The following ADCY3 variants were observed in gnomAD, a reference collection of about 807,000 sequenced individuals.
ADCY3 encodes adenylate cyclase type 3.
A neutral mutation model predicts 119.4 loss-of-function variants in ADCY3; 70 were observed. The ratio of observed to expected loss-of-function variants is 0.59; its 90% CI spans 0.48 to 0.72. The LOEUF is 0.72. Ranked by LOEUF, ADCY3 falls within the 30% of genes least tolerant of loss-of-function variation. The probability of loss-of-function intolerance (pLI) is 0.00; values close to 1 mark genes in which losing one functional copy is unlikely to be tolerated. For missense variants in ADCY3, 1,238 were observed against 1,541.6 expected (o/e 0.80, Z 3.30); for synonymous variants, 672 against 621.4 (o/e 1.08, Z -1.21).
At chr2:24,870,796 A>G (rs940047521) in intron 3 of ADCY3, among the ~76,000 whole-genome samples, 4 of 152,190 alleles carry the variant, frequency 2.6e-5, no homozygotes, top group Admixed American at 1.3e-4. Context: ...GCCTACCTCT[A>G]AAAAAGCTCT....
In ADCY3 at chr2:24,878,807, A is replaced by T. The variant is rs73923460; in HGVS notation, c.676-6088T>A. ...TGCTGCAGTGGCTCCTTAAGTCCCT[A>T]TGAAATGTCCCTACCCCTCAGAGGC... On this transcript the variant is annotated intron_variant, in intron 2 of 21. Coordinates refer to ENST00000679454, the MANE Select transcript of ADCY3 (RefSeq NM_004036.5). The surrounding 1 kb of genome is among the most constrained non-coding windows in gnomAD (Gnocchi z 4.0). Among the ~76,000 whole-genome samples the T allele has an allele frequency of 1.1e-4, 16 of 152,120 alleles. No homozygotes were observed. Among genetic ancestry groups the T allele is most frequent in the African/African-American group, 3.9e-4 (16 of 41,426 alleles).
chr2:24,841,415 C>T lies in ADCY3; in HGVS notation c.1069-29G>A, dbSNP rs1394223930. 1.2e-6 allele frequency: 2 copies of T among 1,608,462 alleles called. No homozygotes were observed. The highest frequency in any genetic ancestry group is 1.3e-5 in the African/African-American group (1 of 74,850). Reference sequence around the variant, plus strand: ...AAAGGGGAGGGCCTGGCCTGTGCTCCAGCCCCTCCTCAGTGAGGGAGGAGT... The same window carrying T: ...AAAGGGGAGGGCCTGGCCTGTGCTCTAGCCCCTCCTCAGTGAGGGAGGAGT... On this transcript the variant is annotated intron_variant, in intron 5 of 21. Coordinates refer to ENST00000679454, the MANE Select transcript of ADCY3 (RefSeq NM_004036.5). The surrounding 1 kb of genome is among the most constrained non-coding windows in gnomAD (Gnocchi z 5.8).
At chr2:24,876,114 T>C (rs554507272) in intron 2 of ADCY3, among the ~76,000 whole-genome samples, 67 of 152,184 alleles carry the variant, frequency 4.4e-4, no homozygotes, top group Non-Finnish European at 8.7e-4. Flanking sequence ...CACCTCAGCC[T>C]CTTGAGTAGC....
rs1668312327 is a variant in ADCY3, at chr2:24,824,512, A to G, written c.2602T>C (p.Phe868Leu). 6.2e-7 allele frequency: 1 copy of G among 1,614,254 alleles called. No homozygotes were observed. Among genetic ancestry groups the G allele is most frequent in the Non-Finnish European group, 8.5e-7 (1 of 1,180,034 alleles). The change falls in exon 17 of 22, where the codon TTC becomes CTC. Residue 868 changes from phenylalanine (F) to leucine (L), a missense_variant. Transcript: ENST00000679454. ...TCGTGGACCTCAATCTTCCACAAGA[A>G]AAGTGTCCGTGCCAGTTTTTCTACC... Reference protein sequence around the residue: ...RHVEKLARTLFLWKIEVHDQK... With the variant: ...RHVEKLARTLLLWKIEVHDQK...
At chr2:24,833,846 C>T (rs929845260) in intron 11 of ADCY3, among the ~76,000 whole-genome samples, 4 of 152,236 alleles carry the variant, frequency 2.6e-5, no homozygotes, top group African/African-American at 7.2e-5. Flanking sequence ...GTCACACACC[C>T]GCAACCTTAG....
chr2:24,824,771 C>T (rs1373327541), intron 16 of ADCY3, among the ~76,000 whole-genome samples: 1 of 152,158 alleles, frequency 6.6e-6, no homozygotes, highest in African/African-American at 2.4e-5. Flanking sequence ...CACCTGTAAT[C>T]CCAGCTACTC....
At chr2:24,856,420 T>C (rs2148693508) in intron 3 of ADCY3, among the ~76,000 whole-genome samples, 1 of 152,324 alleles carries the variant, frequency 6.6e-6, no homozygotes, top group African/African-American at 2.4e-5. Flanking sequence ...CCAGTCTGTC[T>C]TGGTCCCGAT....
At chr2:24,894,283 G>C (rs1358172571) in intron 2 of ADCY3, among the ~76,000 whole-genome samples, 1 of 152,166 alleles carries the variant, frequency 6.6e-6, no homozygotes, top group Non-Finnish European at 1.5e-5. Context: ...AGGAGTTCAA[G>C]ACCAGCCTGG....
chr2:24,877,143 A>AT (rs1319921349), intron 2 of ADCY3, among the ~76,000 whole-genome samples: 1 of 152,098 alleles, frequency 6.6e-6, no homozygotes, highest in East Asian at 1.9e-4. Context: ...TGGCCCTGCC[A>AT]CTGTGTGCGG....
intron 2 of ADCY3, among the ~76,000 whole-genome samples, chr2:24,907,341 G>A (rs1460329033): frequency 6.6e-6 from 1 of 152,064 alleles, no homozygotes; most frequent in Non-Finnish European, 1.5e-5. Flanking sequence ...ACAAACCCCA[G>A]ACATGGAAAT....
At chr2:24,820,625 C>T in intron 21 of ADCY3, 99 bp downstream of exon 21, 1 of 1,560,406 alleles carries the variant, frequency 6.4e-7, no homozygotes, top group South Asian at 1.2e-5. Flanking sequence ...ACTTACTGTT[C>T]AGGGCCAGGG....
chr2:24,867,384 G>A (rs1051663707), intron 3 of ADCY3, among the ~76,000 whole-genome samples: 2 of 152,226 alleles, frequency 1.3e-5, no homozygotes, highest in Non-Finnish European at 2.9e-5. Context: ...AAGAGGTGGG[G>A]CCTTTAAGAG....
chr2:24,889,734 G>A (rs1677458786), intron 2 of ADCY3, among the ~76,000 whole-genome samples: 1 of 152,240 alleles, frequency 6.6e-6, no homozygotes, highest in Non-Finnish European at 1.5e-5. Flanking sequence ...TACTTGGGAG[G>A]CTGAGGCAGG....
At chr2:24,826,731 T>C (rs1668673181) in intron 15 of ADCY3, 1 of 133,612 alleles carries the variant, frequency 7.5e-6, no homozygotes. Context: ...TGTGCATGAA[T>C]TTCTCTAAGA....
intron 17 of ADCY3, among the ~76,000 whole-genome samples, chr2:24,824,085 CTGTT>C (rs754660738): frequency 1.1e-4 from 17 of 152,260 alleles, no homozygotes; most frequent in Non-Finnish European, 2.2e-4. Flanking sequence ...GGGAACCACT[CTGTT>C]TGGAGAAGTT....
At chr2:24,853,009 T>G (rs1397654288) in intron 3 of ADCY3, among the ~76,000 whole-genome samples, 10 of 3,692 alleles carry the variant, frequency 2.7e-3, no homozygotes, top group East Asian at 7.7e-3. Flanking sequence ...CTGGAGGGTG[T>G]GTGTGTGTGT....
chr2:24,822,750 AGTT>A (rs1196664890), intron 18 of ADCY3, 120 bp from the exon 19 acceptor site: 1 of 1,354,122 alleles, frequency 7.4e-7, no homozygotes, highest in African/African-American at 1.5e-5. Context: ...TTCCTATCAA[AGTT>A]GTTACTTAGT....
chr2:24,915,260 G>A (rs1664309753), intron 2 of ADCY3, among the ~76,000 whole-genome samples: 1 of 152,250 alleles, frequency 6.6e-6, no homozygotes, highest in Admixed American at 6.5e-5. Context: ...AGCCGACAGG[G>A]GATGGGAGAG....
chr2:24,882,026 T>C (rs560066553), intron 2 of ADCY3, among the ~76,000 whole-genome samples: 19 of 152,270 alleles, frequency 1.2e-4, no homozygotes, highest in Non-Finnish European at 2.6e-4. Context: ...GTGTTCACAA[T>C]GAACTTTTTC....
Sources: allele counts gnomAD v4.1 joint callset (sites outside exome capture counted in the v4.1 genomes callset), GRCh38; gene constraint gnomAD v4.1.1; non-coding constraint Gnocchi (gnomAD v3.1); transcripts MANE v1.5; gene names NCBI Gene and HGNC (gene_info 2026-07-23, HGNC 2026-07-21).